Variants in RIPK4 observed in about 807,000 individuals in gnomAD.
RIPK4 encodes receptor interacting serine/threonine kinase 4.
A neutral mutation model predicts 42.9 loss-of-function variants in RIPK4; 17 were observed. The observed-to-expected ratio is 0.40, with a 90% confidence interval of 0.27 to 0.59. The LOEUF is 0.59. Ranked by LOEUF, RIPK4 falls within the 20% of genes least tolerant of loss-of-function variation. The pLI, the probability that RIPK4 is intolerant of heterozygous loss-of-function variation, is 0.47. For synonymous variants in RIPK4, 498 were observed against 499.1 expected (o/e 1.00, Z 0.03); for missense variants, 897 against 1,104.4 (o/e 0.81, Z 2.66).
rs2146045288 is a variant in RIPK4, at chr21:41,742,344, A to C, written c.1196-347T>G. 6.6e-6 allele frequency among the ~76,000 whole-genome samples: 1 copy of C among 152,328 alleles called. No individual in the cohort carries two copies. Among genetic ancestry groups the C allele is most frequent in the South Asian group, 2.1e-4 (1 of 4,818 alleles). The stretch of plus-strand genomic sequence containing the variant: ...AAAGAAGGAAAAAGGGCACAGACTA[A>C]AAAGACCAGGCCAGAGCTCCCATTC... On this transcript the variant is annotated intron_variant, in intron 7 of 7. Coordinates refer to ENST00000332512, the MANE Select transcript of RIPK4 (RefSeq NM_020639.3). This position sits in a 1 kb window ranked among gnomAD's most constrained non-coding sequence, Gnocchi z 5.1.
At chr21:41,757,466 G>A (rs904198322) in intron 1 of RIPK4, among the ~76,000 whole-genome samples, 2 of 150,310 alleles carry the variant, frequency 1.3e-5, no homozygotes, top group African/African-American at 4.9e-5. Flanking sequence ...AGGTTGCAGT[G>A]AGCTGAAATC....
At chr21:41,747,305 G>A (rs2061174934) in intron 4 of RIPK4, among the ~76,000 whole-genome samples, 1 of 152,146 alleles carries the variant, frequency 6.6e-6, no homozygotes, top group African/African-American at 2.4e-5. Flanking sequence ...TGTGTGGAAG[G>A]GCTCTTTCCC....
chr21:41,758,057 G>T (rs1314922245), intron 1 of RIPK4, among the ~76,000 whole-genome samples: 26 of 129,972 alleles, frequency 2.0e-4, no homozygotes, highest in South Asian at 7.5e-4. Context: ...GAGAGAGAGA[G>T]AGAGAGAGAG....
chr21:41,758,041 T>TATATATAGAGAGAGAG (rs1452050960), intron 1 of RIPK4, among the ~76,000 whole-genome samples: 1 of 58,516 alleles, frequency 1.7e-5, no homozygotes, highest in Non-Finnish European at 2.8e-5. Context: ...TATATATATA[T>TATATATAGAGAGAGAG]AGAGAGAGAG....
intron 3 of RIPK4, among the ~76,000 whole-genome samples, chr21:41,749,805 G>C (rs536103973): frequency 6.7e-4 from 101 of 151,464 alleles, no homozygotes; most frequent in Non-Finnish European, 9.1e-4. Flanking sequence ...CTTTTTCGGG[G>C]GCTGCTTAGA....
At chr21:41,754,844 G>C (rs1302638952) in intron 2 of RIPK4, among the ~76,000 whole-genome samples, 1 of 152,174 alleles carries the variant, frequency 6.6e-6, no homozygotes. Context: ...CACAGTGGCA[G>C]GCCAGGTGGA....
intron 5 of RIPK4, 57 bp from the exon 6 acceptor site, chr21:41,745,919 G>A (rs753626024): frequency 1.4e-4 from 188 of 1,359,424 alleles, no homozygotes; most frequent in South Asian, 2.0e-4. Flanking sequence ...GTACACACGC[G>A]TTCCATATAA....
rs2061224756 is a variant in RIPK4 at position 41,762,799 on chromosome 21, A to T, written c.182+4061T>A. On this transcript the variant is annotated intron_variant, in intron 1 of 7. Coordinates refer to ENST00000332512, the MANE Select transcript of RIPK4 (RefSeq NM_020639.3). ...GATTTATTACTATTATCATTTTAAC[A>T]CGTGGAGAGATGCCGAATCCAGCCT... Among the ~76,000 whole-genome samples, 3 of 152,184 alleles carry T rather than the reference A, an allele frequency of 2.0e-5. No individual in the cohort carries two copies. In the South Asian group the frequency reaches 6.2e-4, roughly 32 times the overall value.
At position 41,742,864 on chromosome 21, in the gene RIPK4, G is replaced by A. The variant is rs1015765447; in HGVS notation, c.1196-867C>T. On this transcript the variant is annotated intron_variant, in intron 7 of 7. Coordinates refer to ENST00000332512, the MANE Select transcript of RIPK4 (RefSeq NM_020639.3). This position sits in a 1 kb window ranked among gnomAD's most constrained non-coding sequence, Gnocchi z 5.1. ...TAGAACGTACTTATCCATGGGAGAT[G>A]GTGGTATTTCTTTCTGCTCAGTCTT... Among the ~76,000 whole-genome samples, 2 of 152,092 alleles carry A rather than the reference G, an allele frequency of 1.3e-5. No homozygotes were observed. The highest frequency in any genetic ancestry group is 4.8e-5 in the African/African-American group (2 of 41,400).
rs1274955036 is a variant in RIPK4 at position 41,744,008 on chromosome 21, A to G, written c.1069T>C (p.Ser357Pro). 6.2e-7 allele frequency: 1 copy of G among 1,612,974 alleles called. No homozygotes were observed. The highest frequency in any genetic ancestry group is 1.3e-5 in the African/African-American group (1 of 74,772). The change falls in exon 7 of 8, where the codon TCC (serine) becomes CCC (proline). Residue 357 changes from serine to proline, a missense_variant. Coordinates refer to ENST00000332512, the MANE Select transcript of RIPK4 (RefSeq NM_020639.3). Reference protein sequence around the residue: ...VEGPEELSRSSSESKLPSSGS... With the variant: ...VEGPEELSRSPSESKLPSSGS... ...GACGATGGCAGCTTGGACTCAGAGGAGCTGCGGCTGAGCTCCTCGGGGCCC... is the reference window on the plus strand; with the variant it reads ...GACGATGGCAGCTTGGACTCAGAGGGGCTGCGGCTGAGCTCCTCGGGGCCC...
At chr21:41,750,579 T>A (rs1172883821) in intron 3 of RIPK4, among the ~76,000 whole-genome samples, 2 of 152,154 alleles carry the variant, frequency 1.3e-5, no homozygotes, top group Admixed American at 1.3e-4. Flanking sequence ...GGCCCAAATG[T>A]GGACCTGGGA....
rs1476366843 is a variant in RIPK4, at chr21:41,751,714, G to A, written c.475-469C>T. Reference sequence around the variant, plus strand: ...AACCTGCCAGCTGGGGAGGCTGGCGGGCAAGTGGCTGCAAGTCCTTTAAAG... The same window carrying A: ...AACCTGCCAGCTGGGGAGGCTGGCGAGCAAGTGGCTGCAAGTCCTTTAAAG... On this transcript the variant is annotated intron_variant, in intron 2 of 7. Transcript: ENST00000332512. This position sits in a 1 kb window ranked among gnomAD's most constrained non-coding sequence, Gnocchi z 4.5. 1.3e-5 allele frequency among the ~76,000 whole-genome samples: 2 copies of A among 152,194 alleles called. No homozygotes were observed. Among genetic ancestry groups the A allele is most frequent in the African/African-American group, 2.4e-5 (1 of 41,458 alleles).
rs1271598078 is a variant in RIPK4, at chr21:41,742,237, ACCCGCTCT to A, written c.1196-248_1196-241del. On this transcript the variant is annotated intron_variant, in intron 7 of 7. Transcript: ENST00000332512. The surrounding 1 kb of genome is among the most constrained non-coding windows in gnomAD (Gnocchi z 5.1). ...CTCGTTAGTCGGTTTGCAAAATAAA[ACCCGCTCT>A]CCCTGTCCTGCGGGGTGGTGAGCCC... 6.6e-6 allele frequency among the ~76,000 whole-genome samples: 1 copy of A among 151,920 alleles called. No homozygotes were observed. Among genetic ancestry groups the A allele is most frequent in the Non-Finnish European group, 1.5e-5 (1 of 67,984 alleles).
In RIPK4 at chr21:41,756,701, C is replaced by T; in HGVS notation, c.298G>A (p.Glu100Lys). The T allele has an allele frequency of 5.0e-6, 8 of 1,614,236 alleles. No individual in the cohort carries two copies. Among genetic ancestry groups the T allele is most frequent in the Non-Finnish European group, 5.9e-6 (7 of 1,180,050 alleles). ...EPVGLVMEYM[E>K]TGSLEKLLAS... The stretch of plus-strand genomic sequence containing the variant: ...AGCAGCTTTTCCAGGGAGCCCGTCT[C>T]CATGTACTCCATGACCAGGCCGACA... Residue 100 changes from glutamate (E) to lysine (K), a missense_variant, in exon 2 of 8, where the codon GAG becomes AAG. Glu to Lys is a moderately conservative substitution (Grantham distance 56, BLOSUM62 1). Transcript: ENST00000332512.
At position 41,740,316 on chromosome 21, in the gene RIPK4, T is replaced by C. The variant is rs533427829; in HGVS notation, c.*522A>G. 1.5e-4 allele frequency: 23 copies of C among 153,690 alleles called. No homozygotes were observed. Among genetic ancestry groups the C allele is most frequent in the African/African-American group, 5.3e-4 (22 of 41,626 alleles). 9.5% of individuals were successfully genotyped at this position (153,690 alleles called of 1,614,324 possible). The stretch of plus-strand genomic sequence containing the variant: ...ACTAGACTATCCAATGTTATGAACA[T>C]TTTTAACAGGTTTCAAGCAACAGCT... On this transcript the variant is annotated 3_prime_UTR_variant, in exon 8 of 8. Coordinates refer to ENST00000332512, the MANE Select transcript of RIPK4 (RefSeq NM_020639.3).
At chr21:41,754,140 CA>C (rs962821980) in intron 2 of RIPK4, among the ~76,000 whole-genome samples, 8 of 152,110 alleles carry the variant, frequency 5.3e-5, no homozygotes, top group African/African-American at 1.9e-4. Context: ...TTCTGGATTA[CA>C]GTTTTCCTGC....
intron 3 of RIPK4, among the ~76,000 whole-genome samples, chr21:41,750,593 C>T (rs1332629221): frequency 2.0e-5 from 3 of 152,138 alleles, no homozygotes; most frequent in African/African-American, 7.2e-5. Context: ...CCTGGGAACA[C>T]CCTTCCTCCT....
At chr21:41,746,239 C>T (rs559323379) in intron 5 of RIPK4, 1 of 596,586 alleles carries the variant, frequency 1.7e-6, no homozygotes, top group African/African-American at 1.8e-5. Context: ...AGAGACACAT[C>T]TGTCCCAGGA....
At chr21:41,759,466 T>C (rs993836524) in intron 1 of RIPK4, among the ~76,000 whole-genome samples, 6 of 152,158 alleles carry the variant, frequency 3.9e-5, no homozygotes, top group African/African-American at 9.7e-5. Context: ...TCCGACCTCC[T>C]ATAGCAGGAA....
Sources: gnomAD v4.1 joint callset for allele counts (sites outside exome capture counted in the v4.1 genomes callset) on GRCh38, gnomAD v4.1.1 for gene constraint, Gnocchi (gnomAD v3.1) non-coding constraint, MANE v1.5 for transcripts, NCBI Gene and HGNC (gene_info 2026-07-23, HGNC 2026-07-21) for gene names.